Variants in DOCK1 observed in about 807,000 individuals in gnomAD.
DOCK1 encodes dedicator of cytokinesis 1.
Under a neutral mutation model 262.7 loss-of-function variants are expected in DOCK1, and 138 were observed. That is an observed-to-expected ratio of 0.53 (90% CI 0.46 to 0.61). The LOEUF (loss-of-function observed/expected upper bound fraction) is 0.61, where lower values mean the gene tolerates loss of function less well. Ranked by LOEUF, DOCK1 falls within the 20% of genes least tolerant of loss-of-function variation. The pLI is 0.00. For missense variants in DOCK1, 1,908 were observed against 2,370.7 expected, an observed-to-expected ratio of 0.80 and a Z score of 4.05; for synonymous variants, 866 against 867.4, an observed-to-expected ratio of 1.00 and a Z score of 0.03.
chr10:127,121,479 A>G (rs372404591), intron 25 of DOCK1, among the ~76,000 whole-genome samples: 51 of 30,708 alleles, frequency 1.7e-3, no homozygotes, highest in Admixed American at 3.4e-3. Flanking sequence ...GTGTGTGTCT[A>G]TCTGTCCGTC....
At chr10:127,427,633 G>A (rs193144877) in intron 47 of DOCK1, among the ~76,000 whole-genome samples, 1 of 152,288 alleles carries the variant, frequency 6.6e-6, no homozygotes, top group East Asian at 1.9e-4. Flanking sequence ...TGTACCTCCA[G>A]GGTCTGTGCT....
intron 27 of DOCK1, among the ~76,000 whole-genome samples, chr10:127,150,970 T>G (rs751512772): frequency 2.1e-4 from 32 of 152,206 alleles, no homozygotes; most frequent in South Asian, 4.1e-4. Context: ...ATCATTCAAA[T>G]GGGAGATTTC....
intron 29 of DOCK1, among the ~76,000 whole-genome samples, chr10:127,262,220 G>C (rs1290903911): frequency 6.6e-6 from 1 of 151,178 alleles, no homozygotes; most frequent in African/African-American, 2.4e-5. Context: ...GTGCGTGTGT[G>C]TGTGTGTGTA....
rs986113807 is a variant in DOCK1, at chr10:127,261,679, G to A, written c.3044+4250G>A. Among the ~76,000 whole-genome samples the A allele has an allele frequency of 9.2e-5, 13 of 141,872 alleles. 1 individual carries two copies. The highest frequency in any genetic ancestry group is 4.9e-4 in the Admixed American group (7 of 14,314). The allele number at this position is 141,872 out of a possible 152,430, so 93.1% of individuals were successfully genotyped here. Reference sequence around the variant, plus strand: ...CATGTGGGTGTGTGTGTACCTGCATGTGTGTGCATGTGGGTGTGCGTGTAC... The same window carrying A: ...CATGTGGGTGTGTGTGTACCTGCATATGTGTGCATGTGGGTGTGCGTGTAC... On this transcript the variant is annotated intron_variant, in intron 29 of 51. Transcript: ENST00000623213.
chr10:126,950,251 C>T (rs2036090744), intron 1 of DOCK1, among the ~76,000 whole-genome samples: 1 of 152,088 alleles, frequency 6.6e-6, no homozygotes, highest in African/African-American at 2.4e-5. Context: ...TTCGAGTTCG[C>T]CACAGCTTAT....
intron 1 of DOCK1, among the ~76,000 whole-genome samples, chr10:126,907,275 G>C (rs1323550425): frequency 6.6e-6 from 1 of 152,146 alleles, no homozygotes; most frequent in African/African-American, 2.4e-5. Context: ...GAGAGGAAGA[G>C]GTGGATAGGC....
intron 1 of DOCK1, among the ~76,000 whole-genome samples, chr10:126,953,060 G>T (rs1008402880): frequency 6.6e-6 from 1 of 151,484 alleles, no homozygotes; most frequent in Non-Finnish European, 1.5e-5. Context: ...GGTAGTGGTG[G>T]TAGTATTTTT....
chr10:127,057,538 C>G (rs935906238), intron 22 of DOCK1, among the ~76,000 whole-genome samples: 3 of 152,238 alleles, frequency 2.0e-5, no homozygotes, highest in East Asian at 3.9e-4. Context: ...GAAATGAGAA[C>G]AACAGTTTAA....
Position 127,011,556 on chromosome 10 carries a change from G to A in DOCK1, c.1059-676G>A, listed in dbSNP as rs533328661. 1.2e-4 allele frequency among the ~76,000 whole-genome samples: 18 copies of A among 152,268 alleles called. No homozygotes were observed. In the South Asian group the frequency reaches 2.5e-3, roughly 21 times the overall value. ...ATTTCTATTTGGGCATATGCCCCCC[G>A]TTTGTAGCCAGTCTCTCGTACAGCG... On this transcript the variant is annotated intron_variant, in intron 11 of 51. Coordinates refer to ENST00000623213, the MANE Select transcript of DOCK1 (RefSeq NM_001290223.2).
intron 31 of DOCK1, among the ~76,000 whole-genome samples, chr10:127,346,930 T>A (rs1302230871): frequency 6.6e-6 from 1 of 152,174 alleles, no homozygotes; most frequent in Non-Finnish European, 1.5e-5. Context: ...TGAGTTCTGC[T>A]CCGCTTGTGG....
chr10:126,955,987 C>T (rs2134463408), intron 1 of DOCK1, among the ~76,000 whole-genome samples: 1 of 152,282 alleles, frequency 6.6e-6, no homozygotes, highest in Non-Finnish European at 1.5e-5. Flanking sequence ...CAAAGGCAGG[C>T]AGCCCAGGTC....
chr10:127,091,109 GTAGC>G (rs2047502452), intron 23 of DOCK1, among the ~76,000 whole-genome samples: 1 of 151,718 alleles, frequency 6.6e-6, no homozygotes, highest in Non-Finnish European at 1.5e-5. Context: ...AGCCTCCCGA[GTAGC>G]TGGGACTACA....
chr10:126,986,894 A>C (rs1233619607), intron 4 of DOCK1, among the ~76,000 whole-genome samples: 1 of 152,210 alleles, frequency 6.6e-6, no homozygotes, highest in Admixed American at 6.5e-5. Flanking sequence ...TGTGTGACAG[A>C]GCGAGACACC....
At chr10:127,110,710 T>C (rs966483225) in intron 25 of DOCK1, among the ~76,000 whole-genome samples, 7 of 152,238 alleles carry the variant, frequency 4.6e-5, no homozygotes, top group African/African-American at 1.2e-4. Flanking sequence ...GAGTTTTCTT[T>C]AAATCTGAAA....
At chr10:127,427,207 T>C (rs1392463104) in intron 47 of DOCK1, among the ~76,000 whole-genome samples, 1 of 152,160 alleles carries the variant, frequency 6.6e-6, no homozygotes, top group Non-Finnish European at 1.5e-5. Flanking sequence ...TGCACAGGGC[T>C]TCAACTCCCC....
intron 25 of DOCK1, among the ~76,000 whole-genome samples, chr10:127,121,088 AT>A (rs1440599936): frequency 6.6e-6 from 1 of 152,180 alleles, no homozygotes; most frequent in African/African-American, 2.4e-5. Context: ...TTATTTCTTT[AT>A]ACGTGTGGGT....
chr10:127,058,126 A>G (rs928503586), intron 22 of DOCK1, among the ~76,000 whole-genome samples: 2 of 151,270 alleles, frequency 1.3e-5, no homozygotes, highest in Non-Finnish European at 2.9e-5. Context: ...ATCACGGCAA[A>G]ATGCTATGTT....
intron 22 of DOCK1, among the ~76,000 whole-genome samples, chr10:127,058,064 A>AC (rs1392235193): frequency 6.6e-6 from 1 of 152,164 alleles, no homozygotes; most frequent in African/African-American, 2.4e-5. Context: ...AAAAGGGAAG[A>AC]TTCTAGAGAC....
chr10:127,447,285 A>G (rs1163092572), intron 50 of DOCK1, 109 bp from the exon 51 acceptor site: 8 of 1,469,728 alleles, frequency 5.4e-6, no homozygotes, highest in Non-Finnish European at 7.4e-6. Context: ...TGCCAGATGA[A>G]GTGTTTCTGC....
Sources: gnomAD v4.1 joint callset for allele counts (sites outside exome capture counted in the v4.1 genomes callset) on GRCh38, gnomAD v4.1.1 for gene constraint, MANE v1.5 for transcripts, NCBI Gene and HGNC (gene_info 2026-07-23, HGNC 2026-07-21) for gene names.